The following ERBB4 variants were observed in gnomAD, a reference collection of about 807,000 sequenced individuals.
The protein encoded by ERBB4 is erb-b2 receptor tyrosine kinase 4.
ERBB4 carries 42 observed loss-of-function variants against 158.0 expected under a neutral mutation model. That is an observed-to-expected ratio of 0.27 (90% CI 0.21 to 0.34). The LOEUF is 0.34. ERBB4 is among the 10% of genes least tolerant of loss of function. The probability of loss-of-function intolerance (pLI) is 1.00; values close to 1 mark genes in which losing one functional copy is unlikely to be tolerated. For synonymous variants in ERBB4, 583 were observed against 558.7 expected, an observed-to-expected ratio of 1.04 and a Z score of -0.61; for missense variants, 1,333 against 1,624.1, an observed-to-expected ratio of 0.82 and a Z score of 3.08.
At chr2:212,222,846 T>C (rs750386821) in intron 1 of ERBB4, among the ~76,000 whole-genome samples, 5 of 151,556 alleles carry the variant, frequency 3.3e-5, no homozygotes, top group Non-Finnish European at 5.9e-5. Context: ...CCAGAAGAGA[T>C]AGTACTATGT....
rs2105883765 is a variant in ERBB4, at chr2:211,798,675, G to A, written c.422-10516C>T. On this transcript the variant is annotated intron_variant, in intron 3 of 27. Coordinates refer to ENST00000342788, the MANE Select transcript of ERBB4 (RefSeq NM_005235.3). ...ACATTGGTCAAAGTACAGGTTTTGG[G>A]GGAGAAATGATGACCAAATGAAAAC... Among the ~76,000 whole-genome samples the A allele has an allele frequency of 1.3e-5, 2 of 152,134 alleles. 1 individual carries two copies. Among genetic ancestry groups the A allele is most frequent in the South Asian group, 4.1e-4 (2 of 4,828 alleles).
At chr2:212,239,976 G>T (rs973347754) in intron 1 of ERBB4, among the ~76,000 whole-genome samples, 4 of 152,138 alleles carry the variant, frequency 2.6e-5, no homozygotes, top group African/African-American at 9.7e-5. Flanking sequence ...CACCTAACAA[G>T]AGGTTCTAAA....
chr2:212,490,239 GAA>G (rs1267593957), intron 1 of ERBB4, among the ~76,000 whole-genome samples: 1 of 151,786 alleles, frequency 6.6e-6, no homozygotes, highest in East Asian at 1.9e-4. Context: ...TGTCATAACT[GAA>G]GTCTACATCT....
At chr2:212,144,802 T>G (rs1313614670) in intron 1 of ERBB4, among the ~76,000 whole-genome samples, 2 of 152,212 alleles carry the variant, frequency 1.3e-5, no homozygotes, top group African/African-American at 2.4e-5. Flanking sequence ...GATTTGTACA[T>G]GTAAGCCTAG....
intron 3 of ERBB4, among the ~76,000 whole-genome samples, chr2:211,880,990 A>T (rs1041953365): frequency 2.0e-5 from 3 of 152,188 alleles, no homozygotes; most frequent in African/African-American, 4.8e-5. Flanking sequence ...TGGAAAATTA[A>T]AGTTAAGCAA....
chr2:211,855,768 C>A (rs981863778), intron 3 of ERBB4, among the ~76,000 whole-genome samples: 1 of 152,080 alleles, frequency 6.6e-6, no homozygotes, highest in South Asian at 2.1e-4. Flanking sequence ...CAAGAATATT[C>A]TGTTTGTCCT....
At chr2:211,529,275 GAC>G (rs1574679988) in intron 20 of ERBB4, among the ~76,000 whole-genome samples, 2 of 151,636 alleles carry the variant, frequency 1.3e-5, no homozygotes, top group East Asian at 1.9e-4. Flanking sequence ...TAAATTCCTA[GAC>G]ACATACAACC....
intron 2 of ERBB4, among the ~76,000 whole-genome samples, chr2:211,967,298 G>C (rs1214881565): frequency 6.6e-6 from 1 of 152,020 alleles, no homozygotes; most frequent in Non-Finnish European, 1.5e-5. Flanking sequence ...CTAAAACCTT[G>C]ATATGTAATA....
intron 1 of ERBB4, among the ~76,000 whole-genome samples, chr2:212,267,763 C>CA (rs1184347123): frequency 1.3e-5 from 2 of 150,840 alleles, no homozygotes; most frequent in Non-Finnish European, 1.5e-5. Flanking sequence ...CCCCACCCCA[C>CA]AACAGGCCCC....
At chr2:211,590,060 A>G (rs1269426921) in intron 19 of ERBB4, among the ~76,000 whole-genome samples, 1 of 152,184 alleles carries the variant, frequency 6.6e-6, no homozygotes, top group Non-Finnish European at 1.5e-5. Context: ...AATAGGATGA[A>G]CATATTAACA....
At chr2:212,360,301 C>T (rs116550042) in intron 1 of ERBB4, among the ~76,000 whole-genome samples, 2 of 151,746 alleles carry the variant, frequency 1.3e-5, no homozygotes, top group Non-Finnish European at 3.0e-5. Context: ...TCACTGTGTG[C>T]AAGCCAAAGA....
At chr2:211,624,826 C>T (rs918431373) in intron 17 of ERBB4, among the ~76,000 whole-genome samples, 49 of 152,028 alleles carry the variant, frequency 3.2e-4, no homozygotes, top group Admixed American at 1.6e-3. Flanking sequence ...CTGTGAAAAG[C>T]TGCTTGGGCA....
At chr2:211,698,124 C>A (rs1372270199) in intron 12 of ERBB4, among the ~76,000 whole-genome samples, 1 of 151,856 alleles carries the variant, frequency 6.6e-6, no homozygotes, top group African/African-American at 2.4e-5. Context: ...CAAGACCAGC[C>A]TAACTAACAT....
intron 2 of ERBB4, among the ~76,000 whole-genome samples, chr2:212,033,202 A>G (rs375001383): frequency 6.6e-6 from 1 of 152,010 alleles, no homozygotes; most frequent in African/African-American, 2.4e-5. Flanking sequence ...CAAATCTTTC[A>G]CTTATTCTTT....
chr2:211,850,860 T>G, intron 3 of ERBB4, among the ~76,000 whole-genome samples: 1 of 152,072 alleles, frequency 6.6e-6, no homozygotes, highest in South Asian at 2.1e-4. Context: ...AATCTAAAAC[T>G]AAGTAATAAT....
chr2:211,669,232 A>G (rs189327206), intron 14 of ERBB4, among the ~76,000 whole-genome samples: 68 of 138,974 alleles, frequency 4.9e-4, no homozygotes, highest in Admixed American at 7.1e-4. Flanking sequence ...AAAAAAAAAA[A>G]AAAAAAGAAA....
rs1478132810 is a variant in ERBB4 at position 211,580,851 on chromosome 2, T to G, written c.2302-18763A>C. 1.7e-4 allele frequency among the ~76,000 whole-genome samples: 8 copies of G among 46,370 alleles called. 2 individuals are homozygous for G. Among genetic ancestry groups the G allele is most frequent in the African/African-American group, 3.6e-4 (8 of 22,354 alleles). 30.4% of individuals were successfully genotyped at this position (46,370 alleles called of 152,430 possible). ...ATATATATAGATTATATATTATATATATAGTATGCATATACATATATATAT... is the reference window on the plus strand; with the variant it reads ...ATATATATAGATTATATATTATATAGATAGTATGCATATACATATATATAT... On this transcript the variant is annotated intron_variant, in intron 19 of 27. Coordinates refer to ENST00000342788, the MANE Select transcript of ERBB4 (RefSeq NM_005235.3).
At chr2:211,592,836 C>G (rs543359877) in intron 19 of ERBB4, among the ~76,000 whole-genome samples, 1 of 152,016 alleles carries the variant, frequency 6.6e-6, no homozygotes. Flanking sequence ...ATAGTCAAAC[C>G]CTGTCTCTAC....
At chr2:212,470,193 T>G (rs548720738) in intron 1 of ERBB4, among the ~76,000 whole-genome samples, 1 of 152,122 alleles carries the variant, frequency 6.6e-6, no homozygotes, top group East Asian at 1.9e-4. Context: ...CCAACCAAGA[T>G]ATAATTAGCT....
Sources: allele counts gnomAD v4.1 joint callset (sites outside exome capture counted in the v4.1 genomes callset), GRCh38; gene constraint gnomAD v4.1.1; transcripts MANE v1.5; gene names NCBI Gene and HGNC (gene_info 2026-07-23, HGNC 2026-07-21).